The following CSMD1 variants were observed in gnomAD, a reference collection of about 807,000 sequenced individuals.
CSMD1 encodes CUB and Sushi multiple domains 1.
CSMD1 carries 213 observed loss-of-function variants against 417.5 expected under a neutral mutation model. That is an observed-to-expected ratio of 0.51 (90% CI 0.46 to 0.57). The LOEUF is 0.57. Ranked by LOEUF, CSMD1 falls within the 20% of genes least tolerant of loss-of-function variation. The probability of loss-of-function intolerance (pLI) is 0.00; values close to 1 mark genes in which losing one functional copy is unlikely to be tolerated. For missense variants in CSMD1, 6,923 were observed against 4,529.7 expected (o/e 1.53, Z -15.17); for synonymous variants, 2,862 against 1,736.8 (o/e 1.65, Z -16.11).
At position 4,043,743 on chromosome 8, in the gene CSMD1, A is replaced by G. The variant is rs113489579; in HGVS notation, c.416-11644T>C. 8.9e-3 allele frequency among the ~76,000 whole-genome samples: 1,359 copies of G among 152,314 alleles called. 24 individuals carry two copies. The highest frequency in any genetic ancestry group is 0.031 in the African/African-American group (1,276 of 41,554). ...ATAAGATTTATTACTAATAGATACT[A>G]TTGATATCTTGCTGAGCTCTTTCAA... is the stretch of plus-strand genomic sequence containing the variant. On this transcript the variant is annotated intron_variant, in intron 3 of 69. Transcript: ENST00000635120.
intron 5 of CSMD1, among the ~76,000 whole-genome samples, chr8:3,916,997 G>A (rs948997447): frequency 1.3e-5 from 2 of 152,052 alleles, no homozygotes; most frequent in African/African-American, 4.8e-5. Context: ...AAACTCCACT[G>A]CCCTATGAAG....
In CSMD1 at chr8:4,697,071, C is replaced by T. The variant is rs572184767; in HGVS notation, c.86-59513G>A. 2.6e-5 allele frequency among the ~76,000 whole-genome samples: 4 copies of T among 152,220 alleles called. No homozygotes were observed. The East Asian group carries it at 7.7e-4, about 29-fold the overall frequency. ...CCTGTAATCCCAGCTACTCAGGAGG[C>T]TGACGCAGGAGAATTGCTTGAACCC... On this transcript the variant is annotated intron_variant, in intron 1 of 69. Coordinates refer to ENST00000635120, the MANE Select transcript of CSMD1 (RefSeq NM_033225.6).
intron 6 of CSMD1, among the ~76,000 whole-genome samples, chr8:3,735,678 G>A (rs1024401114): frequency 1.3e-5 from 2 of 152,298 alleles, no homozygotes; most frequent in South Asian, 4.1e-4. Flanking sequence ...CTGCCCTCTG[G>A]AGAGGCTTGC....
chr8:4,302,886 A>G (rs1798053676), intron 3 of CSMD1, among the ~76,000 whole-genome samples: 2 of 152,064 alleles, frequency 1.3e-5, no homozygotes, highest in South Asian at 4.1e-4. Flanking sequence ...GTTGGCCTCC[A>G]TGCTGATTCA....
At chr8:3,698,428 C>T (rs936622187) in intron 7 of CSMD1, among the ~76,000 whole-genome samples, 1 of 152,168 alleles carries the variant, frequency 6.6e-6, no homozygotes, top group African/African-American at 2.4e-5. Context: ...AGCCTTTATA[C>T]TACTGTTAGA....
At chr8:2,997,481 A>G (rs1298121923) in intron 54 of CSMD1, among the ~76,000 whole-genome samples, 2 of 152,186 alleles carry the variant, frequency 1.3e-5, no homozygotes, top group African/African-American at 2.4e-5. Flanking sequence ...TACACCACCA[A>G]TAAGAGTGAT....
intron 41 of CSMD1, among the ~76,000 whole-genome samples, chr8:3,120,867 C>G (rs1404050949): frequency 2.0e-5 from 3 of 152,012 alleles, no homozygotes; most frequent in Non-Finnish European, 4.4e-5. Context: ...TAACAATATG[C>G]AATGCTAGTG....
intron 6 of CSMD1, among the ~76,000 whole-genome samples, chr8:3,737,940 G>A (rs1411529972): frequency 6.6e-6 from 1 of 152,088 alleles, no homozygotes; most frequent in East Asian, 1.9e-4. Context: ...AATTGTCAAG[G>A]GAAATTCTTA....
chr8:4,282,038 A>C (rs895299464), intron 3 of CSMD1, among the ~76,000 whole-genome samples: 1 of 152,210 alleles, frequency 6.6e-6, no homozygotes, highest in African/African-American at 2.4e-5. Context: ...CCTTTGTTAT[A>C]AACACTTTCC....
Position 3,032,205 on chromosome 8 carries a change from G to C in CSMD1, c.7661-2692C>G, listed in dbSNP as rs532411051. ...GAAGAGTGGAGATTTCCAGAAATTT[G>C]TGCAAATTATCATTTTATTTAATAT... is the stretch of plus-strand genomic sequence containing the variant. On this transcript the variant is annotated intron_variant, in intron 50 of 69. Coordinates refer to ENST00000635120, the MANE Select transcript of CSMD1 (RefSeq NM_033225.6). 7.3e-4 allele frequency among the ~76,000 whole-genome samples: 111 copies of C among 151,954 alleles called. 3 individuals carry two copies. The highest frequency in any genetic ancestry group is 2.2e-3 in the Admixed American group (33 of 15,236).
At chr8:4,122,318 T>C (rs1257696683) in intron 3 of CSMD1, among the ~76,000 whole-genome samples, 2 of 152,150 alleles carry the variant, frequency 1.3e-5, no homozygotes, top group African/African-American at 4.8e-5. Context: ...GATGACCAAA[T>C]ATTAAGGGAT....
At chr8:3,526,418 C>A (rs998758679) in intron 10 of CSMD1, among the ~76,000 whole-genome samples, 2 of 151,862 alleles carry the variant, frequency 1.3e-5, no homozygotes, top group Admixed American at 1.3e-4. Context: ...TTTAAGTGGC[C>A]TAAAGTTAGT....
chr8:4,964,561 C>G (rs1809727953), intron 1 of CSMD1, among the ~76,000 whole-genome samples: 1 of 140,592 alleles, frequency 7.1e-6, no homozygotes, highest in African/African-American at 2.7e-5. Flanking sequence ...GGATGACTAG[C>G]AGGAGCACAG....
At chr8:4,685,263 C>T (rs1212705897) in intron 1 of CSMD1, among the ~76,000 whole-genome samples, 3 of 152,110 alleles carry the variant, frequency 2.0e-5, no homozygotes, top group South Asian at 2.1e-4. Flanking sequence ...GTCTACTTAC[C>T]ACATGCATCA....
intron 1 of CSMD1, among the ~76,000 whole-genome samples, chr8:4,806,705 A>C (rs546806358): frequency 2.6e-5 from 4 of 152,376 alleles, no homozygotes; most frequent in African/African-American, 7.2e-5. Flanking sequence ...TTTCATGTAG[A>C]GTATGCTTTG....
At chr8:4,486,734 C>G (rs891580723) in intron 2 of CSMD1, among the ~76,000 whole-genome samples, 35 of 152,170 alleles carry the variant, frequency 2.3e-4, no homozygotes, top group African/African-American at 7.7e-4. Flanking sequence ...GGTTCCCCTT[C>G]ATGGAAGAAA....
intron 1 of CSMD1, among the ~76,000 whole-genome samples, chr8:4,935,063 T>TA (rs1398816337): frequency 2.0e-5 from 3 of 152,216 alleles, no homozygotes; most frequent in Non-Finnish European, 4.4e-5. Context: ...CAGATAAACT[T>TA]AAAATCCCAT....
At chr8:4,771,689 C>G (rs994064554) in intron 1 of CSMD1, among the ~76,000 whole-genome samples, 1 of 152,166 alleles carries the variant, frequency 6.6e-6, no homozygotes, top group Admixed American at 6.6e-5. Context: ...AAACTTCACC[C>G]GTGTCCCCTG....
At chr8:3,387,918 C>T (rs1173604324) in intron 17 of CSMD1, among the ~76,000 whole-genome samples, 1 of 152,178 alleles carries the variant, frequency 6.6e-6, no homozygotes, top group Non-Finnish European at 1.5e-5. Flanking sequence ...CTACATACAA[C>T]AACCTTGAAT....
Sources: gnomAD v4.1 joint callset for allele counts (sites outside exome capture counted in the v4.1 genomes callset) on GRCh38, gnomAD v4.1.1 for gene constraint, MANE v1.5 for transcripts, NCBI Gene and HGNC (gene_info 2026-07-23, HGNC 2026-07-21) for gene names.